The following PTPRZ1 variants were observed in gnomAD, a reference collection of about 807,000 sequenced individuals.
The protein encoded by PTPRZ1 is receptor-type tyrosine-protein phosphatase zeta.
A neutral mutation model predicts 214.1 loss-of-function variants in PTPRZ1; 82 were observed. The ratio of observed to expected loss-of-function variants is 0.38; its 90% confidence interval spans 0.32 to 0.46. The LOEUF (loss-of-function observed/expected upper bound fraction) is 0.46, where lower values mean the gene tolerates loss of function less well. Ranked by LOEUF, PTPRZ1 falls within the 20% of genes least tolerant of loss-of-function variation. The pLI is 1.00. For missense variants in PTPRZ1, 2,603 were observed against 2,748.7 expected, an observed-to-expected ratio of 0.95 and a Z score of 1.19; for synonymous variants, 945 against 987.9, an observed-to-expected ratio of 0.96 and a Z score of 0.81.
intron 2 of PTPRZ1, among the ~76,000 whole-genome samples, chr7:121,937,676 A>G (rs753278604): frequency 3.3e-5 from 5 of 152,154 alleles, no homozygotes; most frequent in African/African-American, 1.2e-4. Context: ...AGAAGCAGCA[A>G]CCTTCAACAA....
chr7:121,898,493 T>C (rs1167038526), intron 1 of PTPRZ1, among the ~76,000 whole-genome samples: 1 of 152,216 alleles, frequency 6.6e-6, no homozygotes, highest in Non-Finnish European at 1.5e-5. Context: ...CAAATTGTAT[T>C]TTCTAGAGAA....
intron 2 of PTPRZ1, among the ~76,000 whole-genome samples, chr7:121,959,639 C>T (rs1796816596): frequency 6.6e-6 from 1 of 152,136 alleles, no homozygotes; most frequent in Non-Finnish European, 1.5e-5. Flanking sequence ...TGAGGAAGCC[C>T]CTTTTTTCAA....
intron 8 of PTPRZ1, among the ~76,000 whole-genome samples, chr7:121,984,347 G>A (rs1446546012): frequency 6.6e-6 from 1 of 152,044 alleles, no homozygotes; most frequent in Non-Finnish European, 1.5e-5. Flanking sequence ...TTACAGATGA[G>A]AAAAACTGAG....
At chr7:121,874,311 G>T (rs1383878295) in intron 1 of PTPRZ1, among the ~76,000 whole-genome samples, 1 of 152,196 alleles carries the variant, frequency 6.6e-6, no homozygotes, top group Non-Finnish European at 1.5e-5. Flanking sequence ...TTCAGCAATA[G>T]CCAGTTTAAG....
chr7:121,950,954 A>G (rs954244463), intron 2 of PTPRZ1, among the ~76,000 whole-genome samples: 5 of 152,348 alleles, frequency 3.3e-5, no homozygotes, highest in Admixed American at 2.6e-4. Flanking sequence ...ATAGATATGT[A>G]TGCTTTGAAT....
intron 1 of PTPRZ1, among the ~76,000 whole-genome samples, chr7:121,914,186 T>G (rs1351637691): frequency 6.6e-6 from 1 of 152,150 alleles, no homozygotes; most frequent in Non-Finnish European, 1.5e-5. Flanking sequence ...AAACCAGACA[T>G]TTCTGTTTTT....
In PTPRZ1 at chr7:122,044,463, A is replaced by G. The variant is rs971962762; in HGVS notation, c.5979A>G (p.Ile1993Met). The part of the protein sequence containing the change: ...VFIHDTLVEA[I>M]LSKETEVLDS... ...TTCATGATACACTGGTTGAGGCCAT[A>G]CTTAGTAAAGAAACTGAGGTGCTGG... is the stretch of plus-strand genomic sequence containing the variant. Residue 1993 changes from isoleucine to methionine, a missense_variant, in exon 23 of 30, where the codon ATA becomes ATG. Coordinates refer to ENST00000393386, the MANE Select transcript of PTPRZ1 (RefSeq NM_002851.3). 5.0e-6 allele frequency: 8 copies of G among 1,613,806 alleles called. No homozygotes were observed. Among genetic ancestry groups the G allele is most frequent in the South Asian group, 1.1e-5 (1 of 91,090 alleles).
chr7:121,877,217 C>T, intron 1 of PTPRZ1, among the ~76,000 whole-genome samples: 1 of 152,094 alleles, frequency 6.6e-6, no homozygotes, highest in East Asian at 1.9e-4. Context: ...ATGAGGGAAC[C>T]CGGCACAGAG....
chr7:121,875,119 C>T (rs1473178173), intron 1 of PTPRZ1, among the ~76,000 whole-genome samples: 1 of 151,774 alleles, frequency 6.6e-6, no homozygotes, highest in Non-Finnish European at 1.5e-5. Context: ...TTAATATATT[C>T]GTGAAGTTGT....
At chr7:121,960,146 C>T (rs188465233) in intron 2 of PTPRZ1, among the ~76,000 whole-genome samples, 1 of 152,336 alleles carries the variant, frequency 6.6e-6, no homozygotes, top group East Asian at 1.9e-4. Context: ...TCCAGGGATT[C>T]TCCTGCCTCA....
At chr7:122,045,683 TACACACACACAC>T (rs71172161) in intron 23 of PTPRZ1, among the ~76,000 whole-genome samples, 1 of 146,498 alleles carries the variant, frequency 6.8e-6, no homozygotes, top group East Asian at 2.0e-4. Flanking sequence ...CTAAATAAAT[TACACACACACAC>T]ACACACACAC....
intron 12 of PTPRZ1, among the ~76,000 whole-genome samples, chr7:122,015,123 G>A (rs2116671479): frequency 6.6e-6 from 1 of 152,236 alleles, no homozygotes; most frequent in Non-Finnish European, 1.5e-5. Flanking sequence ...GAAAGAAGAG[G>A]GAAGTTCAAT....
chr7:122,052,217 GCTTATCTAA>G (rs1294229248), intron 25 of PTPRZ1, among the ~76,000 whole-genome samples: 4 of 152,220 alleles, frequency 2.6e-5, no homozygotes, highest in South Asian at 4.2e-4. Context: ...ACTTATACCT[GCTTATCTAA>G]AAGGCTTTAT....
rs770943032 is a variant in PTPRZ1, at chr7:121,976,754, C to T, written c.553-31C>T. 14 of 1,511,004 alleles carry T rather than the reference C, an allele frequency of 9.3e-6. No individual in the cohort carries two copies. The African/African-American group carries it at 1.8e-4, about 20-fold the overall frequency. 93.6% of individuals were successfully genotyped at this position (1,511,004 alleles called of 1,614,324 possible). A position where few individuals can be genotyped will look rare whatever the true frequency, so the allele number is the denominator to read the frequency against. On this transcript the variant is annotated intron_variant, in intron 5 of 29. Transcript: ENST00000393386. ...TGAATAGTTATCCAAATGTTTTATTCTTTTTTTAGAATGTGATTCTTTTTT... is the reference window on the plus strand; with the variant it reads ...TGAATAGTTATCCAAATGTTTTATTTTTTTTTTAGAATGTGATTCTTTTTT...
Position 121,976,282 on chromosome 7 carries a change from A to G in PTPRZ1, c.552+14A>G, listed in dbSNP as rs2116542641. 7.1e-7 allele frequency: 1 copy of G among 1,400,578 alleles called. No homozygotes were observed. Among genetic ancestry groups the G allele is most frequent in the South Asian group, 1.3e-5 (1 of 77,694 alleles). The allele number at this position is 1,400,578 out of a possible 1,614,324, so 86.8% of individuals were successfully genotyped here. A position where few individuals can be genotyped will look rare whatever the true frequency, so the allele number is the denominator to read the frequency against. The stretch of plus-strand genomic sequence containing the variant: ...ATTTTGTTTGAGGTAATATATATAC[A>G]CTTTACACTAATGTAATTCCTTTTT... On this transcript the variant is annotated intron_variant, in intron 5 of 29. Coordinates refer to ENST00000393386, the MANE Select transcript of PTPRZ1 (RefSeq NM_002851.3).
chr7:121,984,609 G>T (rs1441482446), intron 8 of PTPRZ1, among the ~76,000 whole-genome samples: 1 of 152,100 alleles, frequency 6.6e-6, no homozygotes, highest in African/African-American at 2.4e-5. Flanking sequence ...CTTTGTGTTG[G>T]CAGCCCCCAA....
At chr7:122,029,638 C>T (rs1286635492) in intron 14 of PTPRZ1, among the ~76,000 whole-genome samples, 2 of 151,710 alleles carry the variant, frequency 1.3e-5, no homozygotes, top group Non-Finnish European at 2.9e-5. Flanking sequence ...GCTAGAGGCT[C>T]AAGTTCTACA....
At position 121,976,816 on chromosome 7, in the gene PTPRZ1, C is replaced by T. The variant is rs201230238; in HGVS notation, c.584C>T (p.Ala195Val). ...VGTEENLDFK[A>V]IIDGVESVSR... ...ACAGAAGAAAATTTGGATTTCAAAG[C>T]GATTATTGATGGAGTCGAAAGTGTT... is the stretch of plus-strand genomic sequence containing the variant. Residue 195 changes from alanine to valine, a missense_variant, in exon 6 of 30, where the codon GCG (alanine) becomes GTG (valine). This residue lies in a region of PTPRZ1 where 244 missense variants were observed against 333.2 expected (regional missense o/e 0.73). Transcript: ENST00000393386. 47 of 1,610,560 alleles carry T rather than the reference C, an allele frequency of 2.9e-5. 1 individual carries two copies. The South Asian group carries it at 4.6e-4, about 16-fold the overall frequency.
chr7:121,933,610 T>C (rs1458357017), intron 2 of PTPRZ1, among the ~76,000 whole-genome samples: 1 of 152,212 alleles, frequency 6.6e-6, no homozygotes, highest in Non-Finnish European at 1.5e-5. Flanking sequence ...ATTCTATTTC[T>C]GTAAATAGAA....
Sources: gnomAD v4.1 joint callset for allele counts (sites outside exome capture counted in the v4.1 genomes callset) on GRCh38, gnomAD v4.1.1 for gene constraint, gnomAD v4.1.1 regional missense constraint, MANE v1.5 for transcripts, NCBI Gene and HGNC (gene_info 2026-07-23, HGNC 2026-07-21) for gene names.